TMSB15B: variants seen among roughly 807,000 people sequenced by gnomAD.
TMSB15B encodes the protein thymosin beta-15B.
At chrX:103,930,192 A>G (rs2074980724) in intron 1 of TMSB15B, among the ~76,000 whole-genome samples, 1 of 111,431 alleles carries the variant, frequency 9.0e-6, no homozygotes, top group African/African-American at 3.3e-5. Context: ...CTCCCCAAAC[A>G]TTCCATGAAC....
chrX:103,927,897 A>G (rs1282011012), intron 1 of TMSB15B, among the ~76,000 whole-genome samples: 1 of 111,857 alleles, frequency 8.9e-6, no homozygotes, highest in East Asian at 2.8e-4. Context: ...TTTAAGGTTA[A>G]TGAATTCTGA....
intron 1 of TMSB15B, among the ~76,000 whole-genome samples, chrX:103,941,452 A>G (rs1283163958): frequency 1.8e-5 from 2 of 111,783 alleles, no homozygotes; most frequent in Admixed American, 1.9e-4. Flanking sequence ...TAATGTCTGT[A>G]CCAACTTACA....
chrX:103,936,593 CAG>C (rs1200156467), intron 1 of TMSB15B, among the ~76,000 whole-genome samples: 1 of 111,958 alleles, frequency 8.9e-6, no homozygotes, highest in African/African-American at 3.2e-5. Flanking sequence ...CATCTGCAAA[CAG>C]AGAGAATTTG....
intron 1 of TMSB15B, among the ~76,000 whole-genome samples, chrX:103,941,725 TGTACCA>T (rs1394032522): frequency 3.2e-4 from 36 of 112,284 alleles, no homozygotes; most frequent in African/African-American, 1.1e-3. Context: ...CCTAATGGCA[TGTACCA>T]GTTCACACCC....
intron 1 of TMSB15B, among the ~76,000 whole-genome samples, chrX:103,940,696 C>T (rs1184472155): frequency 1.8e-5 from 2 of 110,855 alleles, no homozygotes; most frequent in African/African-American, 3.3e-5. Flanking sequence ...TTCCAGGCTT[C>T]ACTGGGGTAT....
chrX:103,951,888 C>A (rs1178359735), intron 1 of TMSB15B, among the ~76,000 whole-genome samples: 2 of 110,602 alleles, frequency 1.8e-5, no homozygotes, highest in East Asian at 2.8e-4. Context: ...AAGAGAGGAG[C>A]GTATGGTCAG....
At chrX:103,928,034 C>T (rs1569447644) in intron 1 of TMSB15B, 2 of 656,943 alleles carry the variant, frequency 3.0e-6, no homozygotes, top group Non-Finnish European at 2.3e-6. Flanking sequence ...ATTAATTGGT[C>T]GCTCTAATCT....
rs184879777 is a variant in TMSB15B at position 103,919,621 on chromosome X, T to G, written c.-721+329T>G. The G allele has an allele frequency of 5.5e-3, 610 of 111,805 alleles. 1 individual carries two copies. The highest frequency in any genetic ancestry group is 7.5e-3 in the Non-Finnish European group (400 of 53,161). The allele number at this position is 111,805 out of a possible 1,213,427, so 9.2% of individuals were successfully genotyped here. The stretch of plus-strand genomic sequence containing the variant: ...TCACTCCCAAGTCAACATATCTGAC[T>G]TCAAAGGCTACCCCTTGCCAACACT... On this transcript the variant is annotated intron_variant, in intron 1 of 3. Coordinates refer to the TMSB15B transcript ENST00000419165.
intron 1 of TMSB15B, among the ~76,000 whole-genome samples, chrX:103,927,736 C>T (rs1211040945): frequency 2.8e-5 from 3 of 105,692 alleles, no homozygotes; most frequent in African/African-American, 7.0e-5. Flanking sequence ...AGTTTTATGT[C>T]GTGAAAGTTG....
chrX:103,936,621 A>G (rs1556321956), intron 1 of TMSB15B, among the ~76,000 whole-genome samples: 1 of 111,927 alleles, frequency 8.9e-6, no homozygotes, highest in Non-Finnish European at 1.9e-5. Context: ...CTCTCTTCCT[A>G]TTTGAATACG....
intron 1 of TMSB15B, among the ~76,000 whole-genome samples, chrX:103,945,293 G>T (rs1263830069): frequency 3.6e-5 from 4 of 112,267 alleles, no homozygotes; most frequent in Admixed American, 9.4e-5. Context: ...TTTAGCTCAT[G>T]GTTCTGCAGG....
At chrX:103,933,066 T>C (rs1208624662) in intron 1 of TMSB15B, among the ~76,000 whole-genome samples, 13 of 112,066 alleles carry the variant, frequency 1.2e-4, no homozygotes, top group African/African-American at 3.6e-4. Context: ...ATATGGTTTA[T>C]TTAGACAATT....
At chrX:103,952,782 G>A (rs782257615) in intron 1 of TMSB15B, among the ~76,000 whole-genome samples, 6 of 111,376 alleles carry the variant, frequency 5.4e-5, no homozygotes, top group Non-Finnish European at 7.5e-5. Context: ...TGGAGAGGTG[G>A]GTATCTGGAG....
At chrX:103,946,588 C>T (rs2075026280) in intron 1 of TMSB15B, among the ~76,000 whole-genome samples, 1 of 111,471 alleles carries the variant, frequency 9.0e-6, no homozygotes. Context: ...ACACTGATTA[C>T]AAAACTGGAA....
intron 1 of TMSB15B, among the ~76,000 whole-genome samples, chrX:103,951,450 A>C (rs1485173806): frequency 6.3e-5 from 7 of 111,943 alleles, no homozygotes; most frequent in African/African-American, 2.0e-4. Context: ...GTTTGAGGAG[A>C]AAGAAGTTGC....
intron 1 of TMSB15B, among the ~76,000 whole-genome samples, chrX:103,925,645 A>G (rs782164745): frequency 1.5e-4 from 17 of 111,986 alleles, no homozygotes; most frequent in African/African-American, 5.2e-4. Context: ...AAGGTCACAC[A>G]TCAAGTTAAT....
intron 1 of TMSB15B, among the ~76,000 whole-genome samples, chrX:103,926,193 G>A (rs2074967443): frequency 1.8e-5 from 2 of 110,236 alleles, no homozygotes; most frequent in African/African-American, 6.6e-5. Context: ...ATGGAATGCG[G>A]AGGAGGGGGA....
chrX:103,924,701 A>G (rs1450312955), intron 1 of TMSB15B, among the ~76,000 whole-genome samples: 2 of 111,549 alleles, frequency 1.8e-5, no homozygotes, highest in East Asian at 5.7e-4. Flanking sequence ...CAATGAACAG[A>G]CAAATGCATT....
At chrX:103,935,835 T>C (rs1296555433) in intron 1 of TMSB15B, among the ~76,000 whole-genome samples, 3 of 106,719 alleles carry the variant, frequency 2.8e-5, no homozygotes, top group African/African-American at 1.0e-4. Context: ...TTTGGTTACA[T>C]AGGAGTTGTT....
Sources: allele counts gnomAD v4.1 joint callset (sites outside exome capture counted in the v4.1 genomes callset), GRCh38; gene constraint gnomAD v4.1.1; transcripts MANE v1.5; gene names NCBI Gene and HGNC (gene_info 2026-07-23, HGNC 2026-07-21).